The following ESRRG variants were observed in gnomAD, a reference collection of about 807,000 sequenced individuals.
ESRRG encodes the protein estrogen-related receptor gamma.
Under a neutral mutation model 44.0 loss-of-function variants are expected in ESRRG, and 13 were observed. That is an observed-to-expected ratio of 0.30 (90% CI 0.19 to 0.47). The LOEUF is 0.47. Ranked by LOEUF, ESRRG falls within the 20% of genes least tolerant of loss-of-function variation. The pLI is 1.00. For missense variants in ESRRG, 395 were observed against 580.6 expected, an observed-to-expected ratio of 0.68 and a Z score of 3.29; for synonymous variants, 215 against 214.6, an observed-to-expected ratio of 1.00 and a Z score of -0.02.
intron 3 of ESRRG, among the ~76,000 whole-genome samples, chr1:216,613,578 CATT>C (rs1459333735): frequency 1.3e-5 from 2 of 152,120 alleles, no homozygotes; most frequent in Non-Finnish European, 2.9e-5. Context: ...TGTGATATAA[CATT>C]GTTGTGTTCA....
At chr1:216,568,136 A>G (rs771506745) in intron 3 of ESRRG, 38 bp from the exon 4 acceptor site, 7 of 1,449,028 alleles carry the variant, frequency 4.8e-6, no homozygotes, top group Non-Finnish European at 6.8e-6. Context: ...CTATTAAGGT[A>G]GCTATGTTTG....
intron 5 of ESRRG, among the ~76,000 whole-genome samples, chr1:216,540,616 A>G (rs1425832922): frequency 6.6e-6 from 1 of 152,050 alleles, no homozygotes; most frequent in Non-Finnish European, 1.5e-5. Context: ...GCCTTTAATA[A>G]CAGTAAAGAT....
chr1:216,824,036 G>C (rs1377853168), intron 2 of ESRRG, among the ~76,000 whole-genome samples: 1 of 152,144 alleles, frequency 6.6e-6, no homozygotes, highest in Non-Finnish European at 1.5e-5. Flanking sequence ...ATAATCACCA[G>C]TAATGATGAA....
chr1:216,937,429 A>G (rs183926380), intron 2 of ESRRG, among the ~76,000 whole-genome samples: 2 of 152,322 alleles, frequency 1.3e-5, no homozygotes, highest in East Asian at 3.9e-4. Context: ...GTGGGTCATT[A>G]GTCAATTAGT....
rs549545126 is a variant in ESRRG at position 216,802,271 on chromosome 1, T to C, written c.-13-124780A>G. ...GGAAGAGGGAATAGCAATGCACATC[T>C]TCCCAAGAAAATGGGGCATTGGGAC... On this transcript the variant is annotated intron_variant, in intron 2 of 7. Transcript: ENST00000359162. Among the ~76,000 whole-genome samples the C allele has an allele frequency of 2.0e-5, 3 of 152,218 alleles. 1 individual carries two copies. Among genetic ancestry groups the C allele is most frequent in the South Asian group, 4.2e-4 (2 of 4,816 alleles).
At chr1:216,795,081 A>G (rs576451215) in intron 2 of ESRRG, among the ~76,000 whole-genome samples, 4 of 152,236 alleles carry the variant, frequency 2.6e-5, no homozygotes, top group Admixed American at 2.6e-4. Context: ...AGGTTCAGTT[A>G]ATTTCCATTC....
chr1:216,723,250 T>C lies in ESRRG; in HGVS notation c.50A>G (p.Glu17Gly). ...AAAGAAAAAAGGTACCTACTCTTCC[T>C]CGTAGTGCAGGGAAAAAGATTCAGG... The part of the protein sequence containing the change: ...CLPESFSLHY[E>G]EELLCRMSNK... Residue 17 changes from glutamate to glycine, a missense_variant, in exon 1 of 7, where the codon GAG (glutamate) becomes GGG (glycine). By Grantham distance (98) the Glu-to-Gly change is moderately conservative (BLOSUM62 -2). Around this residue, in one of 5 missense-constraint regions of ESRRG, gnomAD observed 148 missense variants for 150.4 expected, o/e 0.98. Coordinates refer to ENST00000408911, the MANE Select transcript of ESRRG (RefSeq NM_001438.4). The C allele has an allele frequency of 6.2e-7, 1 of 1,602,708 alleles. No homozygotes were observed. The highest frequency in any genetic ancestry group is 8.5e-7 in the Non-Finnish European group (1 of 1,172,828).
At chr1:217,015,704 G>A (rs1429794894) in intron 1 of ESRRG, among the ~76,000 whole-genome samples, 1 of 150,766 alleles carries the variant, frequency 6.6e-6, no homozygotes, top group Non-Finnish European at 1.5e-5. Context: ...GGTTTTGTTT[G>A]TGTGGGGGGT....
intron 1 of ESRRG, among the ~76,000 whole-genome samples, chr1:217,007,840 A>AC (rs903893138): frequency 7.3e-5 from 11 of 151,078 alleles, no homozygotes; most frequent in African/African-American, 2.7e-4. Context: ...AAGGCAAATA[A>AC]GGGGGGAAAA....
intron 3 of ESRRG, among the ~76,000 whole-genome samples, chr1:216,596,992 C>T (rs766798251): frequency 7.9e-5 from 12 of 152,164 alleles, no homozygotes; most frequent in Admixed American, 3.9e-4. Flanking sequence ...TGCTGACCAA[C>T]TACAGGAGTT....
intron 2 of ESRRG, among the ~76,000 whole-genome samples, chr1:216,847,415 G>T (rs530492324): frequency 6.6e-6 from 1 of 152,142 alleles, no homozygotes; most frequent in South Asian, 2.1e-4. Context: ...GAGTTCAAAA[G>T]GTACCATGAT....
chr1:216,658,100 C>T (rs952478653), intron 2 of ESRRG, among the ~76,000 whole-genome samples: 1 of 152,100 alleles, frequency 6.6e-6, no homozygotes, highest in Non-Finnish European at 1.5e-5. Context: ...GGAGATCACA[C>T]ACTCTGGTTT....
At chr1:216,575,585 T>C (rs1318578728) in intron 3 of ESRRG, among the ~76,000 whole-genome samples, 1 of 152,050 alleles carries the variant, frequency 6.6e-6, no homozygotes, top group Non-Finnish European at 1.5e-5. Flanking sequence ...CTTATAGCAA[T>C]CCTATGAGGC....
intron 1 of ESRRG, among the ~76,000 whole-genome samples, chr1:216,976,286 ATGTGTGTGTGTGTGTGTGTG>A (rs61142800): frequency 6.8e-6 from 1 of 146,870 alleles, no homozygotes; most frequent in African/African-American, 2.5e-5. Flanking sequence ...ATGCTCCTAA[ATGTGTGTGTGTGTGTGTGTG>A]TGTGTGTGTG....
intron 2 of ESRRG, among the ~76,000 whole-genome samples, chr1:216,798,422 T>C (rs2094530281): frequency 6.6e-6 from 1 of 152,046 alleles, no homozygotes; most frequent in Admixed American, 6.6e-5. Flanking sequence ...AGTTCTGGCA[T>C]GTGAGGGAGT....
intron 2 of ESRRG, among the ~76,000 whole-genome samples, chr1:216,857,117 G>T (rs1032890092): frequency 6.6e-6 from 1 of 151,620 alleles, no homozygotes; most frequent in Admixed American, 6.6e-5. Context: ...AATTTTTTAC[G>T]CTAATAATAA....
rs754360334 is a variant in ESRRG at position 216,569,104 on chromosome 1, G to GGAA, written c.590-1009_590-1007dup. Among the ~76,000 whole-genome samples, 190 of 118,016 alleles carry GGAA rather than the reference G, an allele frequency of 1.6e-3. 6 individuals are homozygous for GGAA. The highest frequency in any genetic ancestry group is 5.8e-3 in the African/African-American group (185 of 31,920). The allele number at this position is 118,016 out of a possible 152,430, so 77.4% of individuals were successfully genotyped here. A position where few individuals can be genotyped will look rare whatever the true frequency, so the allele number is the denominator to read the frequency against. ...AGAAAGGAAGGAAGGAAGGAAGGAA[G>GGAA]GAAGGAAGAAGGAAGGAAGGAAGGA... is the stretch of plus-strand genomic sequence containing the variant. On this transcript the variant is annotated intron_variant, in intron 3 of 6. Coordinates refer to ENST00000408911, the MANE Select transcript of ESRRG (RefSeq NM_001438.4).
chr1:217,047,755 C>T (rs2085153408), intron 1 of ESRRG, among the ~76,000 whole-genome samples: 2 of 152,104 alleles, frequency 1.3e-5, no homozygotes, highest in Non-Finnish European at 1.5e-5. Flanking sequence ...TGCTTGATCT[C>T]TGTAGCTAGA....
chr1:217,122,597 A>G (rs138869830), intron 1 of ESRRG, among the ~76,000 whole-genome samples: 69 of 151,384 alleles, frequency 4.6e-4, no homozygotes, highest in African/African-American at 1.5e-3. Context: ...TTCCTCCCCT[A>G]GGATCTTAAA....
Sources: gnomAD v4.1 joint callset for allele counts (sites outside exome capture counted in the v4.1 genomes callset) on GRCh38, gnomAD v4.1.1 for gene constraint, gnomAD v4.1.1 regional missense constraint, MANE v1.5 for transcripts, NCBI Gene and HGNC (gene_info 2026-07-23, HGNC 2026-07-21) for gene names.